The following NOL4 variants were observed in gnomAD, a reference collection of about 807,000 sequenced individuals.
NOL4 encodes the protein nucleolar protein 4, also known as cancer/testis antigen 125.
A neutral mutation model predicts 75.9 loss-of-function variants in NOL4; 17 were observed. The observed-to-expected ratio is 0.22, with a 90% confidence interval of 0.15 to 0.34. The LOEUF (loss-of-function observed/expected upper bound fraction) is 0.34. NOL4 is among the 10% of genes least tolerant of loss of function. The pLI is 1.00. For missense variants in NOL4, 614 were observed against 793.5 expected (o/e 0.77, Z 2.72); for synonymous variants, 292 against 289.9 (o/e 1.01, Z -0.07).
At chr18:34,033,512 G>A (rs2075743289) in intron 5 of NOL4, among the ~76,000 whole-genome samples, 2 of 151,844 alleles carry the variant, frequency 1.3e-5, no homozygotes, top group African/African-American at 2.4e-5. Context: ...AAAATAAAGA[G>A]AATAAAAAGA....
At chr18:33,886,872 T>G (rs1343508106) in intron 9 of NOL4, among the ~76,000 whole-genome samples, 2 of 141,278 alleles carry the variant, frequency 1.4e-5, no homozygotes, top group African/African-American at 2.6e-5. Context: ...TCTATATACA[T>G]ATATATCTAT....
At chr18:33,990,683 T>C (rs146808609) in intron 6 of NOL4, among the ~76,000 whole-genome samples, 246 of 152,188 alleles carry the variant, frequency 1.6e-3, no homozygotes, top group African/African-American at 5.5e-3. Flanking sequence ...TCCCTGCTCC[T>C]GCCTCTTTAT....
intron 5 of NOL4, among the ~76,000 whole-genome samples, chr18:34,070,240 C>T (rs190136148): frequency 6.6e-6 from 1 of 152,110 alleles, no homozygotes; most frequent in Non-Finnish European, 1.5e-5. Context: ...ACCATGGTCT[C>T]GATATCCTGA....
In NOL4 at chr18:33,852,418, ATTTGGCTTT is replaced by A. The variant is rs2062663453; in HGVS notation, c.*415_*423del. On this transcript the variant is annotated 3_prime_UTR_variant, in exon 11 of 11. Transcript: ENST00000261592. ...TTGTTATATCCTGTAGCAACAAGAA[ATTTGGCTTT>A]TTTTTTTCTTTTTTTTTTTTTTGCC... is the stretch of plus-strand genomic sequence containing the variant. The A allele has an allele frequency of 6.7e-6, 1 of 149,938 alleles. No individual in the cohort carries two copies. The highest frequency in any genetic ancestry group is 2.5e-5 in the African/African-American group (1 of 40,458). 9.3% of individuals were successfully genotyped at this position (149,938 alleles called of 1,614,324 possible).
chr18:33,920,277 AT>A (rs1051136168), intron 9 of NOL4, among the ~76,000 whole-genome samples: 1 of 152,200 alleles, frequency 6.6e-6, no homozygotes, highest in Non-Finnish European at 1.5e-5. Flanking sequence ...TACAAAAAAA[AT>A]GAATATATTG....
intron 9 of NOL4, among the ~76,000 whole-genome samples, chr18:33,909,440 C>T (rs2066261392): frequency 6.6e-6 from 1 of 152,160 alleles, no homozygotes; most frequent in African/African-American, 2.4e-5. Context: ...ACCTACATAT[C>T]CCACGATTAC....
At position 33,859,710 on chromosome 18, in the gene NOL4, G is replaced by A. The variant is rs145055277; in HGVS notation, c.1724-6675C>T. Among the ~76,000 whole-genome samples the A allele has an allele frequency of 1.9e-3, 290 of 152,228 alleles. 1 individual carries two copies. The highest frequency in any genetic ancestry group is 0.01 in the Middle Eastern group (3 of 294). On this transcript the variant is annotated intron_variant, in intron 10 of 10. Transcript: ENST00000261592. ...GAGGTGGGTGGATCACTTGTGGTCA[G>A]GTGTACAAGACCAGCCTGACCAACA...
intron 9 of NOL4, among the ~76,000 whole-genome samples, chr18:33,935,296 T>C (rs2067984042): frequency 6.6e-6 from 1 of 152,154 alleles, no homozygotes; most frequent in Admixed American, 6.6e-5. Flanking sequence ...GTTTAATCAT[T>C]CTAGCTTTTG....
At chr18:34,101,302 C>T (rs1339493008) in intron 4 of NOL4, among the ~76,000 whole-genome samples, 1 of 152,074 alleles carries the variant, frequency 6.6e-6, no homozygotes, top group Non-Finnish European at 1.5e-5. Context: ...CTTGCAGGGG[C>T]CATGTAGAAA....
chr18:33,912,333 T>C (rs999064404), intron 9 of NOL4, among the ~76,000 whole-genome samples: 1 of 152,060 alleles, frequency 6.6e-6, no homozygotes, highest in Non-Finnish European at 1.5e-5. Context: ...CAATTTTCCA[T>C]ATCAAAAGGC....
intron 10 of NOL4, among the ~76,000 whole-genome samples, chr18:33,877,196 T>C (rs928387754): frequency 6.6e-6 from 1 of 151,982 alleles, no homozygotes; most frequent in African/African-American, 2.4e-5. Context: ...TTGGTTGCTG[T>C]GTCCTTGAGA....
At chr18:34,032,655 T>TCA (rs2075697342) in intron 5 of NOL4, among the ~76,000 whole-genome samples, 1 of 152,026 alleles carries the variant, frequency 6.6e-6, no homozygotes, top group African/African-American at 2.4e-5. Context: ...CCTGTTACCT[T>TCA]CACCCATGCC....
At chr18:34,036,577 T>C (rs546854090) in intron 5 of NOL4, among the ~76,000 whole-genome samples, 4 of 152,342 alleles carry the variant, frequency 2.6e-5, no homozygotes, top group African/African-American at 9.6e-5. Context: ...TCATCATTCC[T>C]ATTCAACATA....
At chr18:33,973,199 C>T (rs1199745313) in intron 6 of NOL4, among the ~76,000 whole-genome samples, 1 of 152,146 alleles carries the variant, frequency 6.6e-6, no homozygotes, top group Non-Finnish European at 1.5e-5. Context: ...AGGATCTTTA[C>T]CAGGAGTAGA....
chr18:33,911,250 G>T (rs2066384431), intron 9 of NOL4, among the ~76,000 whole-genome samples: 1 of 150,746 alleles, frequency 6.6e-6, no homozygotes, highest in Non-Finnish European at 1.5e-5. Context: ...TACTATCCTG[G>T]TAATTTTATG....
intron 2 of NOL4, among the ~76,000 whole-genome samples, chr18:34,112,351 AGAGT>A (rs1367797509): frequency 1.3e-5 from 2 of 151,952 alleles, no homozygotes; most frequent in Non-Finnish European, 2.9e-5. Context: ...CCTGGGTGAC[AGAGT>A]GAGACTGTCC....
At chr18:33,938,894 G>T (rs997960282) in intron 9 of NOL4, among the ~76,000 whole-genome samples, 4 of 152,060 alleles carry the variant, frequency 2.6e-5, no homozygotes, top group African/African-American at 7.2e-5. Context: ...TTCTTCTAGG[G>T]TTTTTATGGT....
intron 9 of NOL4, among the ~76,000 whole-genome samples, chr18:33,915,796 T>C (rs1173973388): frequency 6.6e-6 from 1 of 152,200 alleles, no homozygotes; most frequent in South Asian, 2.1e-4. Flanking sequence ...AGTAGGGCTC[T>C]CCTTGAAAAG....
rs78710221 is a variant in NOL4, at chr18:34,073,226, A to C, written c.772+20239T>G. 1.6e-4 allele frequency among the ~76,000 whole-genome samples: 24 copies of C among 152,214 alleles called. No individual in the cohort carries two copies. The East Asian group carries it at 4.4e-3, about 28-fold the overall frequency. ...AAATACATCAATTACCAATATCAGGAATGAAAGGTGATATGACTACACGCT... is the reference window on the plus strand; with the variant it reads ...AAATACATCAATTACCAATATCAGGCATGAAAGGTGATATGACTACACGCT... On this transcript the variant is annotated intron_variant, in intron 5 of 10. Transcript: ENST00000261592.
Sources: allele counts gnomAD v4.1 joint callset (sites outside exome capture counted in the v4.1 genomes callset), GRCh38; gene constraint gnomAD v4.1.1; transcripts MANE v1.5; gene names NCBI Gene and HGNC (gene_info 2026-07-23, HGNC 2026-07-21).